The following PLIN2 variants were observed in gnomAD, a reference collection of about 807,000 sequenced individuals.
PLIN2 encodes perilipin-2.
In PLIN2, 33 loss-of-function variants were observed where a neutral mutation model predicts 30.6. The ratio of observed to expected loss-of-function variants is 1.08; its 90% CI spans 0.82 to 1.44. The LOEUF (loss-of-function observed/expected upper bound fraction) is 1.44. PLIN2 is among the 40% of genes most tolerant of loss of function. The pLI, the probability that PLIN2 is intolerant of heterozygous loss-of-function variation, is 0.00. For missense variants in PLIN2, 610 were observed against 531.8 expected (o/e 1.15, Z -1.45); for synonymous variants, 205 against 201.1 (o/e 1.02, Z -0.16).
In PLIN2 at chr9:19,116,191, A is replaced by G. The variant is rs778646693; in HGVS notation, c.*57T>C. ...AGGGTTGCCTAGCAAGTTAATTTCAACATAACAAAAGGTGTCATCTGTCTG... is the reference window on the plus strand; with the variant it reads ...AGGGTTGCCTAGCAAGTTAATTTCAGCATAACAAAAGGTGTCATCTGTCTG... On this transcript the variant is annotated 3_prime_UTR_variant, in exon 8 of 8. Transcript: ENST00000276914. 1.0e-5 allele frequency: 15 copies of G among 1,482,966 alleles called. No homozygotes were observed. Among genetic ancestry groups the G allele is most frequent in the Non-Finnish European group, 1.3e-5 (14 of 1,109,578 alleles). The allele number at this position is 1,482,966 out of a possible 1,614,324, so 91.9% of individuals were successfully genotyped here.
chr9:19,121,481 C>A (rs1818314282), intron 4 of PLIN2, among the ~76,000 whole-genome samples: 1 of 139,208 alleles, frequency 7.2e-6, no homozygotes, highest in African/African-American at 2.7e-5. Flanking sequence ...CAGAGCAAGA[C>A]CCTGTCTCAA....
chr9:19,112,294 A>G (rs1449953597), downstream of PLIN2, among the ~76,000 whole-genome samples: 2 of 152,216 alleles, frequency 1.3e-5, no homozygotes, highest in Non-Finnish European at 2.9e-5. Flanking sequence ...CGAACCTGCC[A>G]TGGTTACATA....
chr9:19,121,786 T>C (rs1236289317), intron 4 of PLIN2, among the ~76,000 whole-genome samples: 1 of 151,884 alleles, frequency 6.6e-6, no homozygotes, highest in African/African-American at 2.4e-5. Flanking sequence ...AAAAAATTAG[T>C]TGGGCGTGGT....
At position 19,116,631 on chromosome 9, in the gene PLIN2, G is replaced by C. The variant is rs776849165; in HGVS notation, c.931C>G (p.Leu311Val). 1.5e-5 allele frequency: 25 copies of C among 1,613,122 alleles called. No individual in the cohort carries two copies. Among genetic ancestry groups the C allele is most frequent in the African/African-American group, 9.3e-5 (7 of 74,916 alleles). The change falls in exon 8 of 8, where the codon CTT becomes GTT. Residue 311 changes from leucine to valine, a missense_variant. By Grantham distance (32) the Leu-to-Val change is conservative. Coordinates refer to ENST00000276914, the MANE Select transcript of PLIN2 (RefSeq NM_001122.4). ...TGAGTCAGGTTGCGGGCAATTGCAAGAGTACGTGACTCAATGTGCTAAAAA... is the reference window on the plus strand; with the variant it reads ...TGAGTCAGGTTGCGGGCAATTGCAACAGTACGTGACTCAATGTGCTAAAAA... ...HCAEHIESRT[L>V]AIARNLTQQL...
intron 2 of PLIN2, 37 bp from the exon 3 acceptor site, chr9:19,126,346 C>T: frequency 6.2e-7 from 1 of 1,613,742 alleles, no homozygotes. Context: ...TTATTAATCT[C>T]TCAAAACACA....
chr9:19,118,392 G>A lies in PLIN2; in HGVS notation c.841C>T (p.Leu281Phe), dbSNP rs3780220. 3.7e-6 allele frequency: 6 copies of A among 1,613,450 alleles called. No homozygotes were observed. In the East Asian group the frequency reaches 8.9e-5, roughly 24 times the overall value. The change falls in exon 7 of 8, where the codon CTC becomes TTC. Residue 281 changes from leucine (L) to phenylalanine (F), a missense_variant. Coordinates refer to ENST00000276914, the MANE Select transcript of PLIN2 (RefSeq NM_001122.4). The stretch of plus-strand genomic sequence containing the variant: ...TTCCACTCTACCCATGAGAGGTAGA[G>A]CTTATCCTGAGCATCCTGAATTTTC... Reference protein sequence around the residue: ...NQKIQDAQDKLYLSWVEWKRS... With the variant: ...NQKIQDAQDKFYLSWVEWKRS...
chr9:19,116,435 C>A lies in PLIN2; in HGVS notation c.1127G>T (p.Gly376Val). 1 of 1,614,118 alleles carries A rather than the reference C, an allele frequency of 6.2e-7. No individual in the cohort carries two copies. Among genetic ancestry groups the A allele is most frequent in the Non-Finnish European group, 8.5e-7 (1 of 1,180,022 alleles). ...VSDSLLTSSK[G>V]QLQKMKESLD... ...AGATTCCTTCATTTTCTGCAGCTGC[C>A]CCTTGCTAGAAGTGAGGAGGCTGTC... is the stretch of plus-strand genomic sequence containing the variant. Residue 376 changes from glycine to valine, a missense_variant, in exon 8 of 8, where the codon GGG (glycine) becomes GTG (valine). Transcript: ENST00000276914.
At chr9:19,124,061 A>G (rs1408436997) in intron 3 of PLIN2, among the ~76,000 whole-genome samples, 2 of 151,368 alleles carry the variant, frequency 1.3e-5, no homozygotes, top group African/African-American at 2.4e-5. Flanking sequence ...ATACAACAGA[A>G]GGCATTGCCT....
chr9:19,120,006 T>C (rs966027109), intron 5 of PLIN2, among the ~76,000 whole-genome samples, 175 bp from the exon 6 acceptor site: 1 of 152,098 alleles, frequency 6.6e-6, no homozygotes, highest in Non-Finnish European at 1.5e-5. Context: ...CCTGAACATA[T>C]TACTGTATCT....
chr9:19,123,308 G>T, intron 4 of PLIN2: 1 of 1,507,374 alleles, frequency 6.6e-7, no homozygotes, highest in Non-Finnish European at 9.0e-7. Flanking sequence ...TTCATTTATA[G>T]GAGCAAAGAC....
At chr9:19,113,859 C>T (rs1169179832), downstream of PLIN2, among the ~76,000 whole-genome samples, 1 of 151,284 alleles carries the variant, frequency 6.6e-6, no homozygotes, top group African/African-American at 2.4e-5. Context: ...ACTGCAACCT[C>T]CACCTCCCGG....
At chr9:19,118,865 G>T (rs1350867591) in intron 6 of PLIN2, among the ~76,000 whole-genome samples, 1 of 152,086 alleles carries the variant, frequency 6.6e-6, no homozygotes, top group Non-Finnish European at 1.5e-5. Context: ...GCTAATTTTT[G>T]TATTTTTAGT....
intron 3 of PLIN2, 140 bp downstream of exon 3, chr9:19,125,974 T>G: frequency 1.6e-6 from 1 of 607,310 alleles, no homozygotes; most frequent in African/African-American, 1.9e-5. Context: ...CTTACGGTAA[T>G]GAGGGTCACC....
intron 4 of PLIN2, among the ~76,000 whole-genome samples, chr9:19,121,884 T>C (rs900967098): frequency 7.2e-5 from 11 of 152,056 alleles, no homozygotes; most frequent in African/African-American, 2.7e-4. Flanking sequence ...TGAGCCAAAA[T>C]TGCACCATTA....
Position 19,126,149 on chromosome 9 carries a change from C to T in PLIN2, c.191G>A (p.Ser64Asn). The change falls in exon 3 of 8, where the codon AGT becomes AAT. Residue 64 changes from serine to asparagine, a missense_variant. Physicochemically the swap from Ser to Asn is conservative, Grantham distance 46 (BLOSUM62 1). Coordinates refer to ENST00000276914, the MANE Select transcript of PLIN2 (RefSeq NM_001122.4). ...VKTITSVAMT[S>N]ALPIIQKLEP... is the part of the protein sequence containing the mutation. Reference sequence around the variant, plus strand: ...TAGCTTCTGGATGATGGGCAGAGCACTGGTCATGGCCACGGAGGTGATGGT... The same window carrying T: ...TAGCTTCTGGATGATGGGCAGAGCATTGGTCATGGCCACGGAGGTGATGGT... 6.2e-7 allele frequency: 1 copy of T among 1,614,130 alleles called. No individual in the cohort carries two copies. The highest frequency in any genetic ancestry group is 1.1e-5 in the South Asian group (1 of 91,076).
downstream of PLIN2, among the ~76,000 whole-genome samples, chr9:19,111,552 T>C (rs1818159721): frequency 6.6e-6 from 1 of 152,102 alleles, no homozygotes; most frequent in African/African-American, 2.4e-5. Context: ...AAATACGACC[T>C]GGGACTAGCC....
chr9:19,117,564 A>G (rs1179365407), intron 7 of PLIN2, among the ~76,000 whole-genome samples: 1 of 151,388 alleles, frequency 6.6e-6, no homozygotes, highest in African/African-American at 2.4e-5. Context: ...CCAGAAAGCA[A>G]TGTGACTCAA....
chr9:19,116,414 T>C lies in PLIN2; in HGVS notation c.1148A>G (p.Glu383Gly). The C allele has an allele frequency of 6.2e-7, 1 of 1,614,210 alleles. No individual in the cohort carries two copies. Among genetic ancestry groups the C allele is most frequent in the East Asian group, 2.2e-5 (1 of 44,892 alleles). ...SSKGQLQKMK[E>G]SLDDVMDYLV... ...ATAATCCATCACGTCATCTAAAGATTCCTTCATTTTCTGCAGCTGCCCCTT... is the reference window on the plus strand; with the variant it reads ...ATAATCCATCACGTCATCTAAAGATCCCTTCATTTTCTGCAGCTGCCCCTT... The change falls in exon 8 of 8, where the codon GAA (glutamate) becomes GGA (glycine). Residue 383 changes from glutamate (E) to glycine (G), a missense_variant. Coordinates refer to ENST00000276914, the MANE Select transcript of PLIN2 (RefSeq NM_001122.4).
downstream of PLIN2, among the ~76,000 whole-genome samples, chr9:19,113,115 G>A (rs1000516232): frequency 6.6e-6 from 1 of 152,004 alleles, no homozygotes; most frequent in African/African-American, 2.4e-5. Context: ...GGCCGAAGCG[G>A]GCAGATCACT....
Sources: allele counts gnomAD v4.1 joint callset (sites outside exome capture counted in the v4.1 genomes callset), GRCh38; gene constraint gnomAD v4.1.1; transcripts MANE v1.5; gene names NCBI Gene and HGNC (gene_info 2026-07-23, HGNC 2026-07-21).